The following HDAC5 variants were observed in gnomAD, a reference collection of about 807,000 sequenced individuals.
The protein encoded by HDAC5 is antigen NY-CO-9.
Under a neutral mutation model 133.3 loss-of-function variants are expected in HDAC5, and 25 were observed. The ratio of observed to expected loss-of-function variants is 0.19; its 90% confidence interval spans 0.14 to 0.26. The LOEUF (loss-of-function observed/expected upper bound fraction) is 0.26, where lower values mean the gene tolerates loss of function less well. Ranked by LOEUF, HDAC5 falls within the 10% of genes least tolerant of loss-of-function variation. The pLI, the probability that HDAC5 is intolerant of heterozygous loss-of-function variation, is 1.00. For missense variants in HDAC5, 1,041 were observed against 1,460.5 expected (o/e 0.71, Z 4.68); for synonymous variants, 589 against 610.8 (o/e 0.96, Z 0.53).
chr17:44,088,175 C>A (rs1037849800), intron 12 of HDAC5, among the ~76,000 whole-genome samples: 1 of 152,180 alleles, frequency 6.6e-6, no homozygotes, highest in Admixed American at 6.5e-5. Context: ...CCACGCCTGG[C>A]TAATTTTTGT....
At chr17:44,122,759 CTGG>C (rs1567698328) in intron 1 of HDAC5, among the ~76,000 whole-genome samples, 2 of 152,092 alleles carry the variant, frequency 1.3e-5, no homozygotes, top group African/African-American at 4.8e-5. Flanking sequence ...TAATAAGGCA[CTGG>C]TAGTGCCCCC....
intron 1 of HDAC5, among the ~76,000 whole-genome samples, chr17:44,120,917 A>T (rs1160453891): frequency 6.6e-6 from 1 of 151,938 alleles, no homozygotes; most frequent in Non-Finnish European, 1.5e-5. Flanking sequence ...GAAGGATCAG[A>T]GCCATGAAGG....
chr17:44,088,378 C>T lies in HDAC5; in HGVS notation c.1599+9G>A. On this transcript the variant is annotated intron_variant, in intron 12 of 26. Transcript: ENST00000682912. ...CACAGCCCCAGGCCATTCACCTTTCCAGGCTCACCTTGCCCAGCTGTAGCT... is the reference window on the plus strand; with the variant it reads ...CACAGCCCCAGGCCATTCACCTTTCTAGGCTCACCTTGCCCAGCTGTAGCT... 3 of 1,547,900 alleles carry T rather than the reference C, an allele frequency of 1.9e-6. No individual in the cohort carries two copies. Among genetic ancestry groups the T allele is most frequent in the Non-Finnish European group, 2.6e-6 (3 of 1,146,882 alleles).
In HDAC5 at chr17:44,080,750, C is replaced by T; in HGVS notation, c.2727+13G>A. 1 of 1,614,182 alleles carries T rather than the reference C, an allele frequency of 6.2e-7. No homozygotes were observed. The highest frequency in any genetic ancestry group is 8.5e-7 in the Non-Finnish European group (1 of 1,180,020). On this transcript the variant is annotated intron_variant, in intron 21 of 26. Coordinates refer to ENST00000682912, the MANE Select transcript of HDAC5 (RefSeq NM_005474.5). ...GGGCCAGGAGGGTCTGCATTTACGC[C>T]CAGGAGCTGTACCTCTTCAGGAGCC...
At position 44,091,828 on chromosome 17, in the gene HDAC5, G is replaced by A. The variant is rs748249751; in HGVS notation, c.1036C>T (p.Leu346Phe). The A allele has an allele frequency of 1.3e-6, 2 of 1,559,340 alleles. No individual in the cohort carries two copies. Among genetic ancestry groups the A allele is most frequent in the South Asian group, 2.4e-5 (2 of 81,864 alleles). ...GSVPNIPTEM[L>F]PQHRALPLDS... is the part of the protein sequence containing the mutation. ...AGAGGGAGGGCTCGGTGCTGAGGGAGCATCTGGGGAGCAGTCAGAAGAGAC... is the reference window on the plus strand; with the variant it reads ...AGAGGGAGGGCTCGGTGCTGAGGGAACATCTGGGGAGCAGTCAGAAGAGAC... Residue 346 changes from leucine to phenylalanine, a missense_variant, in exon 10 of 27, where the codon CTC becomes TTC. Coordinates refer to ENST00000682912, the MANE Select transcript of HDAC5 (RefSeq NM_005474.5).
At chr17:44,109,902 G>C (rs890668315) in intron 3 of HDAC5, among the ~76,000 whole-genome samples, 2 of 152,236 alleles carry the variant, frequency 1.3e-5, no homozygotes, top group African/African-American at 4.8e-5. Context: ...CGGCCTGGTG[G>C]GGAGGCTGTG....
intron 3 of HDAC5, among the ~76,000 whole-genome samples, chr17:44,096,210 A>AC (rs924022583): frequency 6.6e-6 from 1 of 152,062 alleles, no homozygotes; most frequent in Non-Finnish European, 1.5e-5. Context: ...AGGCAGGCCA[A>AC]CCCATTCCTG....
chr17:44,093,762 G>A lies in HDAC5; in HGVS notation c.167C>T (p.Pro56Leu), dbSNP rs892616337. ...MGGGGGGSPS[P>L]VELRGALVGS... ...CACCAGAGCCCCCCGTAGCTCCACAGGGCTGGGGCTGCCTCCACCCCCACC... is the reference window on the plus strand; with the variant it reads ...CACCAGAGCCCCCCGTAGCTCCACAAGGCTGGGGCTGCCTCCACCCCCACC... Residue 56 changes from proline to leucine, a missense_variant, in exon 4 of 27, where the codon CCT becomes CTT. Around this residue, in one of 9 missense-constraint regions of HDAC5, gnomAD observed 93 missense variants for 98.8 expected, o/e 0.94. Transcript: ENST00000682912. The A allele has an allele frequency of 3.3e-5, 53 of 1,587,544 alleles. No homozygotes were observed. Among genetic ancestry groups the A allele is most frequent in the Non-Finnish European group, 4.4e-5 (51 of 1,165,976 alleles).
intron 3 of HDAC5, among the ~76,000 whole-genome samples, chr17:44,099,995 G>A (rs763903382): frequency 4.6e-5 from 7 of 152,118 alleles, no homozygotes; most frequent in Non-Finnish European, 1.0e-4. Flanking sequence ...GGAGAGCCTG[G>A]TCCTCTGGGG....
At chr17:44,100,233 G>A (rs1391702139) in intron 3 of HDAC5, among the ~76,000 whole-genome samples, 1 of 152,082 alleles carries the variant, frequency 6.6e-6, no homozygotes, top group Admixed American at 6.6e-5. Context: ...AACACACCAT[G>A]AGCTGCACCC....
At chr17:44,082,917 A>T (rs1267288208) in intron 18 of HDAC5, 97 bp from the exon 19 acceptor site, 5 of 1,035,256 alleles carry the variant, frequency 4.8e-6, no homozygotes, top group Non-Finnish European at 7.3e-6. Flanking sequence ...CAGGGAAGTG[A>T]ACACAAACCA....
intron 3 of HDAC5, among the ~76,000 whole-genome samples, chr17:44,107,991 A>G (rs1667785634): frequency 6.6e-6 from 1 of 152,182 alleles, no homozygotes; most frequent in Admixed American, 6.6e-5. Flanking sequence ...AGGGAGGCAG[A>G]GAATTCCCCA....
intron 3 of HDAC5, among the ~76,000 whole-genome samples, chr17:44,096,272 C>G (rs2051265791): frequency 1.3e-5 from 2 of 152,108 alleles, no homozygotes; most frequent in South Asian, 4.1e-4. Flanking sequence ...CTCGCTACAG[C>G]CCAGGGAGGT....
At chr17:44,112,525 A>C (rs2052406677) in intron 2 of HDAC5, among the ~76,000 whole-genome samples, 4 of 147,320 alleles carry the variant, frequency 2.7e-5, no homozygotes, top group Middle Eastern at 3.2e-3. Flanking sequence ...CTTGACCCCC[A>C]CTCCAGGCAT....
chr17:44,108,532 G>A (rs530106562), intron 3 of HDAC5, among the ~76,000 whole-genome samples: 32 of 151,966 alleles, frequency 2.1e-4, no homozygotes, highest in Admixed American at 1.8e-3. Context: ...GGAGACCTGC[G>A]CAACTCACAC....
intron 3 of HDAC5, among the ~76,000 whole-genome samples, chr17:44,108,618 G>T (rs1439521824): frequency 1.3e-5 from 2 of 151,980 alleles, no homozygotes; most frequent in African/African-American, 4.8e-5. Context: ...CCGATCAAGA[G>T]ATGGGGAGAG....
Position 44,086,714 on chromosome 17 carries a change from C to G in HDAC5, c.1908G>C (p.Leu636=). The G allele has an allele frequency of 7.7e-7, 1 of 1,298,894 alleles. No individual in the cohort carries two copies. Among genetic ancestry groups the G allele is most frequent in the East Asian group, 2.8e-5 (1 of 35,238 alleles). 80.5% of individuals were successfully genotyped at this position (1,298,894 alleles called of 1,614,324 possible). A position where few individuals can be genotyped will look rare whatever the true frequency, so the allele number is the denominator to read the frequency against. ...YKKLFSDAQP[L]QPLQVYQAPL... The stretch of plus-strand genomic sequence containing the variant: ...GCGCCTGGTACACCTGCAAAGGCTG[C>G]AGCGGCTGGGCATCTGAGAACAGCT... The change falls in exon 14 of 27, where the codon CTG becomes CTC. Residue 636 remains leucine, a synonymous_variant. Transcript: ENST00000682912.
rs372952169 is a variant in HDAC5 at position 44,094,248 on chromosome 17, C to T, written c.95-414G>A. 5.2e-4 allele frequency among the ~76,000 whole-genome samples: 78 copies of T among 151,448 alleles called. 2 individuals are homozygous for T. The East Asian group carries it at 9.4e-3, about 18-fold the overall frequency. ...TGAGGCATGGGAATCTCTTGAACCCCGGGAGGCGGAGGTTGCAGTGAGCCA... is the reference window on the plus strand; with the variant it reads ...TGAGGCATGGGAATCTCTTGAACCCTGGGAGGCGGAGGTTGCAGTGAGCCA... On this transcript the variant is annotated intron_variant, in intron 3 of 26. Coordinates refer to ENST00000682912, the MANE Select transcript of HDAC5 (RefSeq NM_005474.5).
chr17:44,098,053 G>A (rs757536522), intron 3 of HDAC5, among the ~76,000 whole-genome samples: 1 of 152,288 alleles, frequency 6.6e-6, no homozygotes, highest in African/African-American at 2.4e-5. Flanking sequence ...AGGACCTGCA[G>A]GGACTGGGTG....
Sources: allele counts gnomAD v4.1 joint callset (sites outside exome capture counted in the v4.1 genomes callset), GRCh38; gene constraint gnomAD v4.1.1; regional missense constraint gnomAD v4.1.1; transcripts MANE v1.5; gene names NCBI Gene and HGNC (gene_info 2026-07-23, HGNC 2026-07-21).